Variants in GTSF1 observed in about 807,000 individuals in gnomAD.
GTSF1 encodes the protein gametocyte-specific factor 1.
A neutral mutation model predicts 28.9 loss-of-function variants in GTSF1; 11 were observed. The observed-to-expected ratio is 0.38, with a 90% confidence interval of 0.24 to 0.63. The LOEUF is 0.63. GTSF1 is among the 30% of genes least tolerant of loss of function. The pLI, the probability that GTSF1 is intolerant of heterozygous loss-of-function variation, is 0.56. For synonymous variants in GTSF1, 69 were observed against 65.6 expected (o/e 1.05, Z -0.25); for missense variants, 146 against 201.0 (o/e 0.73, Z 1.66).
intron 2 of GTSF1, among the ~76,000 whole-genome samples, chr12:54,469,483 T>G (rs1956567106): frequency 6.6e-6 from 1 of 151,156 alleles, no homozygotes; most frequent in African/African-American, 2.4e-5. Context: ...AGGCCAGGAG[T>G]TCGAGACCAG....
intron 7 of GTSF1, among the ~76,000 whole-genome samples, chr12:54,460,053 G>C (rs1332361004): frequency 2.0e-5 from 3 of 152,136 alleles, no homozygotes; most frequent in Non-Finnish European, 4.4e-5. Context: ...AGAAATCAGG[G>C]ATCACTTCCT....
intron 2 of GTSF1, among the ~76,000 whole-genome samples, chr12:54,468,561 C>T (rs920397271): frequency 9.2e-5 from 14 of 152,154 alleles, no homozygotes; most frequent in East Asian, 1.9e-4. Context: ...CTTTCGAAAA[C>T]GAAGTAGGTC....
chr12:54,462,609 C>T (rs1393573406), intron 5 of GTSF1, 33 bp downstream of exon 5: 7 of 1,534,456 alleles, frequency 4.6e-6, no homozygotes, highest in South Asian at 2.3e-5. Flanking sequence ...GAGATTTAGA[C>T]ATTGTGAAGA....
Position 54,456,118 on chromosome 12 carries a change from TAGA to T in GTSF1, c.*53_*55del, listed in dbSNP as rs925711523. 2 of 152,574 alleles carry T rather than the reference TAGA, an allele frequency of 1.3e-5. No homozygotes were observed. The highest frequency in any genetic ancestry group is 1.9e-4 in the East Asian group (1 of 5,200). 9.5% of individuals were successfully genotyped at this position (152,574 alleles called of 1,614,324 possible). A position where few individuals can be genotyped will look rare whatever the true frequency, so the allele number is the denominator to read the frequency against. ...TAGGAGGAAAATGAGAACCCACTGG[TAGA>T]AGAAGAAGCAACAGTCTTCTAGGGT... On this transcript the variant is annotated 3_prime_UTR_variant, in exon 9 of 9. Coordinates refer to ENST00000305879, the MANE Select transcript of GTSF1 (RefSeq NM_144594.3).
intron 6 of GTSF1, among the ~76,000 whole-genome samples, chr12:54,461,897 T>C (rs1956428585): frequency 6.6e-6 from 1 of 152,212 alleles, no homozygotes; most frequent in African/African-American, 2.4e-5. Flanking sequence ...TAAACGATAA[T>C]GTATTTTTGT....
At chr12:54,460,333 GC>G (rs1956402512) in intron 7 of GTSF1, 43 bp downstream of exon 7, 2 of 1,354,888 alleles carry the variant, frequency 1.5e-6, no homozygotes, top group Non-Finnish European at 2.1e-6. Context: ...ACTGTATTTA[GC>G]ACAATGAAAA....
At chr12:54,471,346 G>A in intron 1 of GTSF1, 69 bp from the exon 2 acceptor site, 1 of 1,076,502 alleles carries the variant, frequency 9.3e-7, no homozygotes, top group Non-Finnish European at 1.3e-6. Flanking sequence ...CCTAAGAAGT[G>A]GAGTCACTTC....
chr12:54,470,992 C>T (rs1026673405), intron 2 of GTSF1, among the ~76,000 whole-genome samples: 11 of 152,148 alleles, frequency 7.2e-5, no homozygotes, highest in African/African-American at 2.2e-4. Context: ...TGAAGTCCTG[C>T]CTCATTTAAT....
intron 2 of GTSF1, among the ~76,000 whole-genome samples, chr12:54,466,618 A>C (rs1052842563): frequency 5.9e-5 from 9 of 152,160 alleles, no homozygotes; most frequent in Middle Eastern, 3.2e-3. Flanking sequence ...CATCACTAGC[A>C]AATGTTAGGC....
At chr12:54,458,725 A>G (rs997745386) in intron 8 of GTSF1, among the ~76,000 whole-genome samples, 9 of 152,180 alleles carry the variant, frequency 5.9e-5, no homozygotes, top group African/African-American at 2.2e-4. Context: ...TTTGATGAGT[A>G]TTAAACTGTA....
chr12:54,456,759 A>G (rs1956337976), intron 8 of GTSF1, among the ~76,000 whole-genome samples: 1 of 152,210 alleles, frequency 6.6e-6, no homozygotes, highest in Non-Finnish European at 1.5e-5. Flanking sequence ...CTTCCAAAGA[A>G]ACTAGAGAAT....
Position 54,471,225 on chromosome 12 carries a change from G to C in GTSF1, c.16+8C>G, listed in dbSNP as rs2120805387. 1 of 1,585,674 alleles carries C rather than the reference G, an allele frequency of 6.3e-7. No homozygotes were observed. The highest frequency in any genetic ancestry group is 8.6e-7 in the Non-Finnish European group (1 of 1,167,306). On this transcript the variant is annotated splice_region_variant and intron_variant, in intron 2 of 8. Transcript: ENST00000305879. ...ACTTATTTTCTAAAAGCAACAAGGA[G>C]TACATACTGTAAGTTTCTTCCATGT... is the stretch of plus-strand genomic sequence containing the variant.
At chr12:54,459,192 T>C (rs901059798) in intron 7 of GTSF1, 67 bp from the exon 8 acceptor site, 124 of 1,518,156 alleles carry the variant, frequency 8.2e-5, no homozygotes, top group Non-Finnish European at 1.1e-4. Context: ...CCCCTATTCT[T>C]ACTAAACACA....
At chr12:54,462,282 C>A in intron 5 of GTSF1, 110 bp from the exon 6 acceptor site, 2 of 757,114 alleles carry the variant, frequency 2.6e-6, no homozygotes, top group Middle Eastern at 2.4e-4. Flanking sequence ...TTTGCAGAAG[C>A]AAGTAAAAAT....
rs142852715 is a variant in GTSF1, at chr12:54,457,399, G to A, written c.*21-1246C>T. ...ACACCTTGTATAGCATATCAGAGAG[G>A]AATTCAAAATTCACCATTTATCCAG... On this transcript the variant is annotated intron_variant, in intron 8 of 8. Coordinates refer to ENST00000305879, the MANE Select transcript of GTSF1 (RefSeq NM_144594.3). Among the ~76,000 whole-genome samples the A allele has an allele frequency of 3.9e-5, 6 of 152,266 alleles. No homozygotes were observed. The Middle Eastern group carries it at 0.017, about 432-fold the overall frequency.
At chr12:54,464,432 T>TAG (rs2120763882) in intron 3 of GTSF1, among the ~76,000 whole-genome samples, 1 of 152,342 alleles carries the variant, frequency 6.6e-6, no homozygotes, top group East Asian at 1.9e-4. Flanking sequence ...TTGGATTAAA[T>TAG]ACCTCAATTG....
At chr12:54,469,680 T>C (rs1372779533) in intron 2 of GTSF1, among the ~76,000 whole-genome samples, 6 of 111,104 alleles carry the variant, frequency 5.4e-5, no homozygotes, top group African/African-American at 7.2e-5. Flanking sequence ...AGAGCGAGAC[T>C]CCTTCTCAAA....
intron 2 of GTSF1, chr12:54,466,891 C>T (rs1159140872): frequency 6.7e-6 from 1 of 148,596 alleles, no homozygotes; most frequent in Non-Finnish European, 1.5e-5. Context: ...TCTCGGCCCA[C>T]TGCAACCTTC....
chr12:54,459,722 CTTTT>C lies in GTSF1; in HGVS notation c.488-601_488-598del, dbSNP rs760438714. On this transcript the variant is annotated intron_variant, in intron 7 of 8. Transcript: ENST00000305879. The stretch of plus-strand genomic sequence containing the variant: ...TCCCAATTCCCTACTGATATTATGC[CTTTT>C]TTTTTTTTTTTTTTTTTTGAGACGG... The C allele has an allele frequency of 7.9e-4, 105 of 133,412 alleles. 1 individual carries two copies. Among genetic ancestry groups the C allele is most frequent in the South Asian group, 3.5e-3 (17 of 4,896 alleles). 8.3% of individuals were successfully genotyped at this position (133,412 alleles called of 1,614,324 possible).
Sources: allele counts gnomAD v4.1 joint callset (sites outside exome capture counted in the v4.1 genomes callset), GRCh38; gene constraint gnomAD v4.1.1; transcripts MANE v1.5; gene names NCBI Gene and HGNC (gene_info 2026-07-23, HGNC 2026-07-21).